The following DNASE2B variants were observed in gnomAD, a reference collection of about 807,000 sequenced individuals.
The protein encoded by DNASE2B is deoxyribonuclease 2 beta, also known as deoxyribonuclease-2-beta.
A neutral mutation model predicts 46.0 loss-of-function variants in DNASE2B; 43 were observed. The observed-to-expected ratio is 0.94, with a 90% confidence interval of 0.73 to 1.21. The LOEUF (loss-of-function observed/expected upper bound fraction) is 1.21, where lower values mean the gene tolerates loss of function less well. Ranked by LOEUF, DNASE2B falls within the 50% of genes most tolerant of loss-of-function variation. DNASE2B has a pLI of 0.00. For synonymous variants in DNASE2B, 156 were observed against 152.5 expected, an observed-to-expected ratio of 1.02 and a Z score of -0.17; for missense variants, 395 against 414.4, an observed-to-expected ratio of 0.95 and a Z score of 0.41.
Position 84,414,683 on chromosome 1 carries a change from T to C in DNASE2B, c.901T>C (p.Ser301Pro). 6.2e-7 allele frequency: 1 copy of C among 1,614,150 alleles called. No homozygotes were observed. Among genetic ancestry groups the C allele is most frequent in the Non-Finnish European group, 8.5e-7 (1 of 1,180,012 alleles). The change falls in exon 6 of 6, where the codon TCT becomes CCT. Residue 301 changes from serine to proline, a missense_variant. By Grantham distance (74) the Ser-to-Pro change is moderately conservative. Coordinates refer to ENST00000370665, the MANE Select transcript of DNASE2B (RefSeq NM_021233.3). Reference protein sequence around the residue: ...IKLSRHSYFSSYQDHAKWCIS... With the variant: ...IKLSRHSYFSPYQDHAKWCIS... The stretch of plus-strand genomic sequence containing the variant: ...ATTATCACGACACTCTTATTTCAGT[T>C]CTTATCAAGATCATGCCAAGTGGTG...
chr1:84,410,447 T>A (rs922834428), intron 3 of DNASE2B, among the ~76,000 whole-genome samples: 1 of 152,258 alleles, frequency 6.6e-6, no homozygotes, highest in African/African-American at 2.4e-5. Context: ...AGTCAGCTTT[T>A]GAAAAGAGCC....
chr1:84,405,396 A>C (rs554674612), intron 2 of DNASE2B, among the ~76,000 whole-genome samples: 1 of 152,196 alleles, frequency 6.6e-6, no homozygotes, highest in Non-Finnish European at 1.5e-5. Flanking sequence ...GGCTTCACAA[A>C]TTTCCTTTTC....
At position 84,414,604 on chromosome 1, in the gene DNASE2B, G is replaced by C; in HGVS notation, c.822G>C (p.Glu274Asp). The change falls in exon 6 of 6, where the codon GAG (glutamate) becomes GAC (aspartate). Residue 274 changes from glutamate to aspartate, a missense_variant. Physicochemically the swap from Glu to Asp is conservative, Grantham distance 45. Coordinates refer to ENST00000370665, the MANE Select transcript of DNASE2B (RefSeq NM_021233.3). ...AAACCTGGCAGCGAAAAAGACAAGA[G>C]CTTCCTTCAAACTGCTCCCTTCCTT... ...LTETWQRKRQ[E>D]LPSNCSLPYH... is the part of the protein sequence containing the mutation. 1 of 1,614,106 alleles carries C rather than the reference G, an allele frequency of 6.2e-7. No individual in the cohort carries two copies. Among genetic ancestry groups the C allele is most frequent in the Non-Finnish European group, 8.5e-7 (1 of 1,179,996 alleles).
chr1:84,400,085 T>C (rs1403571130), intron 1 of DNASE2B, among the ~76,000 whole-genome samples: 2 of 152,136 alleles, frequency 1.3e-5, no homozygotes, highest in Non-Finnish European at 2.9e-5. Flanking sequence ...TAATTTTAGG[T>C]TGGCCAGGCG....
rs577561553 is a variant in DNASE2B, at chr1:84,407,478, A to T, written c.304-959A>T. 9.9e-5 allele frequency among the ~76,000 whole-genome samples: 15 copies of T among 152,274 alleles called. No individual in the cohort carries two copies. The East Asian group carries it at 1.9e-3, about 20-fold the overall frequency. ...GACTATGTTGTGCATTGAAAAAAAA[A>T]TTTTATCACATCATATAATTAAGCA... On this transcript the variant is annotated intron_variant, in intron 2 of 5. Coordinates refer to ENST00000370665, the MANE Select transcript of DNASE2B (RefSeq NM_021233.3).
chr1:84,410,633 G>C (rs1052978159), intron 3 of DNASE2B, among the ~76,000 whole-genome samples: 2 of 152,102 alleles, frequency 1.3e-5, no homozygotes, highest in African/African-American at 4.8e-5. Flanking sequence ...CCTTTTCGTG[G>C]TGGCTTTTTA....
Position 84,412,424 on chromosome 1 carries a change from A to C in DNASE2B, c.623A>C (p.His208Pro), listed in dbSNP as rs1301014846. The change falls in exon 5 of 6, where the codon CAC becomes CCC. Residue 208 changes from histidine to proline, a missense_variant. His to Pro is a moderately conservative substitution (Grantham distance 77). Coordinates refer to ENST00000370665, the MANE Select transcript of DNASE2B (RefSeq NM_021233.3). ...GCCACCTTTCACCAGGAGCTCATTC[A>C]CATGCCCCAGCTGTGCACCAGGGCC... The part of the protein sequence containing the change: ...IPATFHQELI[H>P]MPQLCTRASS... The C allele has an allele frequency of 8.1e-6, 13 of 1,613,320 alleles. No homozygotes were observed. Among genetic ancestry groups the C allele is most frequent in the Non-Finnish European group, 1.1e-5 (13 of 1,179,600 alleles).
intron 2 of DNASE2B, among the ~76,000 whole-genome samples, chr1:84,407,801 A>G (rs1387298415): frequency 6.6e-6 from 1 of 152,190 alleles, no homozygotes. Flanking sequence ...GAGGAAATCC[A>G]ATATCACACA....
chr1:84,402,706 C>T (rs933071897), intron 2 of DNASE2B, among the ~76,000 whole-genome samples: 2 of 152,168 alleles, frequency 1.3e-5, no homozygotes, highest in African/African-American at 4.8e-5. Flanking sequence ...TGGGCATGCT[C>T]CCAATATTCT....
At chr1:84,399,707 G>A (rs1002327278) in intron 1 of DNASE2B, among the ~76,000 whole-genome samples, 1 of 152,192 alleles carries the variant, frequency 6.6e-6, no homozygotes, top group Non-Finnish European at 1.5e-5. Flanking sequence ...TGGTATTGCT[G>A]GAACTTCAGG....
At chr1:84,405,401 C>T (rs1680479056) in intron 2 of DNASE2B, among the ~76,000 whole-genome samples, 1 of 152,184 alleles carries the variant, frequency 6.6e-6, no homozygotes. Context: ...CACAAATTTC[C>T]TTTTCTTTTT....
At chr1:84,400,514 G>A (rs1680387232) in intron 1 of DNASE2B, among the ~76,000 whole-genome samples, 1 of 152,208 alleles carries the variant, frequency 6.6e-6, no homozygotes, top group African/African-American at 2.4e-5. Flanking sequence ...CAAAAATACG[G>A]AGTTGGGGGT....
Position 84,398,516 on chromosome 1 carries a change from T to C in DNASE2B, c.-49T>C. The C allele has an allele frequency of 6.2e-7, 1 of 1,606,158 alleles. No individual in the cohort carries two copies. On this transcript the variant is annotated 5_prime_UTR_variant, in exon 1 of 6. Coordinates refer to ENST00000370665, the MANE Select transcript of DNASE2B (RefSeq NM_021233.3). ...GCACAGCCTGAGAGCGCCTTGAAACTCAGACTCCACAATCTATGGGGAAAG... is the reference window on the plus strand; with the variant it reads ...GCACAGCCTGAGAGCGCCTTGAAACCCAGACTCCACAATCTATGGGGAAAG...
rs745398945 is a variant in DNASE2B at position 84,398,637 on chromosome 1, C to T, written c.73C>T (p.Leu25=). Residue 25 remains leucine (L), a synonymous_variant, in exon 1 of 6, where the codon CTG becomes TTG. Coordinates refer to ENST00000370665, the MANE Select transcript of DNASE2B (RefSeq NM_021233.3). ...ALLFLGLFGV[L]GAATISCRNE... is the part of the protein sequence containing the mutation. ...GCTCTTCCTTGGCCTCTTTGGGGTG[C>T]TGGGGGCAGCAACAATTTCATGCAG... The T allele has an allele frequency of 6.8e-6, 11 of 1,613,802 alleles. 1 individual carries two copies. In the Admixed American group the frequency reaches 1.7e-4, roughly 24 times the overall value.
intron 2 of DNASE2B, 116 bp from the exon 3 acceptor site, chr1:84,408,321 A>G (rs1570303718): frequency 3.0e-6 from 4 of 1,332,306 alleles, no homozygotes; most frequent in East Asian, 6.0e-5. Context: ...GGAATAGATG[A>G]CTTCTCATGT....
Position 84,412,482 on chromosome 1 carries a change from C to G in DNASE2B, c.681C>G (p.Thr227=), listed in dbSNP as rs373068531. The change falls in exon 5 of 6, where the codon ACC becomes ACG. Residue 227 remains threonine, a synonymous_variant. Coordinates refer to ENST00000370665, the MANE Select transcript of DNASE2B (RefSeq NM_021233.3). ...SSSEIPGRLL[T]TLQSAQGQKF... ...CAGAGATTCCTGGCAGGCTCCTCAC[C>G]ACACTTCAGTCGGCCCAGGGACAAA... The G allele has an allele frequency of 6.2e-6, 10 of 1,613,986 alleles. No individual in the cohort carries two copies. In the African/African-American group the frequency reaches 1.1e-4, roughly 17 times the overall value.
Position 84,398,631 on chromosome 1 carries a change from G to A in DNASE2B, c.67G>A (p.Gly23Arg). ...TGCTTTGCTCTTCCTTGGCCTCTTTGGGGTGCTGGGGGCAGCAACAATTTC... is the reference window on the plus strand; with the variant it reads ...TGCTTTGCTCTTCCTTGGCCTCTTTAGGGTGCTGGGGGCAGCAACAATTTC... ...SFALLFLGLF[G>R]VLGAATISCR... Residue 23 changes from glycine (G) to arginine (R), a missense_variant, in exon 1 of 6, where the codon GGG becomes AGG. Physicochemically the swap from Gly to Arg is moderately radical, Grantham distance 125. Transcript: ENST00000370665. 1.9e-6 allele frequency: 3 copies of A among 1,613,874 alleles called. No homozygotes were observed. Among genetic ancestry groups the A allele is most frequent in the Non-Finnish European group, 2.5e-6 (3 of 1,179,816 alleles).
At chr1:84,398,846 G>A (rs1680351910) in intron 1 of DNASE2B, among the ~76,000 whole-genome samples, 157 bp downstream of exon 1, 1 of 152,210 alleles carries the variant, frequency 6.6e-6, no homozygotes, top group African/African-American at 2.4e-5. Flanking sequence ...CTCCCAGGCA[G>A]GGGTAGGCTT....
At position 84,412,530 on chromosome 1, in the gene DNASE2B, G is replaced by T; in HGVS notation, c.729G>T (p.Ser243=). Residue 243 remains serine, a synonymous_variant, in exon 5 of 6, where the codon TCG becomes TCT. Transcript: ENST00000370665. Reference sequence around the variant, plus strand: ...AAAAATTCCTCCATTTTGCAAAGTCGGATTCTTTTCTTGACGGTATGAAAG... The same window carrying T: ...AAAAATTCCTCCATTTTGCAAAGTCTGATTCTTTTCTTGACGGTATGAAAG... ...QGQKFLHFAK[S]DSFLDDIFAA... 6.2e-7 allele frequency: 1 copy of T among 1,609,392 alleles called. No homozygotes were observed. The highest frequency in any genetic ancestry group is 8.5e-7 in the Non-Finnish European group (1 of 1,177,566).
Sources: gnomAD v4.1 joint callset for allele counts (sites outside exome capture counted in the v4.1 genomes callset) on GRCh38, gnomAD v4.1.1 for gene constraint, MANE v1.5 for transcripts, NCBI Gene and HGNC (gene_info 2026-07-23, HGNC 2026-07-21) for gene names.